The following STARD5 variants were observed in gnomAD, a reference collection of about 807,000 sequenced individuals.
STARD5 encodes stAR-related lipid transfer protein 5.
A neutral mutation model predicts 24.6 loss-of-function variants in STARD5; 26 were observed. That is an observed-to-expected ratio of 1.06 (90% CI 0.77 to 1.47). The LOEUF is 1.47. Ranked by LOEUF, STARD5 falls within the 40% of genes most tolerant of loss-of-function variation. STARD5 has a pLI of 0.00. For synonymous variants in STARD5, 101 were observed against 99.7 expected (o/e 1.01, Z -0.07); for missense variants, 254 against 270.8 (o/e 0.94, Z 0.44).
chr15:81,317,636 A>G (rs1274166885), intron 5 of STARD5, among the ~76,000 whole-genome samples: 4 of 152,186 alleles, frequency 2.6e-5, no homozygotes, highest in African/African-American at 9.7e-5. Flanking sequence ...ATCCCACGAC[A>G]CCGAGGCCCA....
chr15:81,323,905 G>C, intron 1 of STARD5, 96 bp downstream of exon 1: 1 of 1,312,900 alleles, frequency 7.6e-7, no homozygotes. Flanking sequence ...TTGGGGAGCA[G>C]AAAACAACGG....
intron 5 of STARD5, among the ~76,000 whole-genome samples, chr15:81,316,096 T>C (rs556465063): frequency 6.6e-6 from 1 of 152,188 alleles, no homozygotes; most frequent in Non-Finnish European, 1.5e-5. Flanking sequence ...CGGCTCCTGC[T>C]CCCACTTCTG....
intron 5 of STARD5, among the ~76,000 whole-genome samples, chr15:81,315,043 C>T (rs1399693274): frequency 6.6e-6 from 1 of 152,154 alleles, no homozygotes. Context: ...TTGTGCCCTG[C>T]TTCCCCAAAG....
intron 3 of STARD5, among the ~76,000 whole-genome samples, chr15:81,321,961 T>C (rs566953739): frequency 6.6e-6 from 1 of 152,368 alleles, no homozygotes; most frequent in East Asian, 1.9e-4. Flanking sequence ...ATGTTATTAA[T>C]AGACATCAAC....
Position 81,313,197 on chromosome 15 carries a change from C to T in STARD5, c.*59G>A, listed in dbSNP as rs1450398404. On this transcript the variant is annotated 3_prime_UTR_variant, in exon 6 of 6. Coordinates refer to ENST00000302824, the MANE Select transcript of STARD5 (RefSeq NM_181900.3). ...CGTGCTCCCAGGCTCCTTGGTGTCCCAACAGCTGGAGCTCCTCGATGAGTC... is the reference window on the plus strand; with the variant it reads ...CGTGCTCCCAGGCTCCTTGGTGTCCTAACAGCTGGAGCTCCTCGATGAGTC... The T allele has an allele frequency of 1.4e-6, 2 of 1,463,508 alleles. No individual in the cohort carries two copies. The highest frequency in any genetic ancestry group is 2.9e-5 in the African/African-American group (2 of 69,002). 90.7% of individuals were successfully genotyped at this position (1,463,508 alleles called of 1,614,324 possible). A position where few individuals can be genotyped will look rare whatever the true frequency, so the allele number is the denominator to read the frequency against.
At chr15:81,319,239 T>G (rs1053683544) in intron 4 of STARD5, 100 bp downstream of exon 4, 3 of 1,076,396 alleles carry the variant, frequency 2.8e-6, no homozygotes, top group South Asian at 1.4e-5. Flanking sequence ...GAGTTTCTGG[T>G]GATTTCTGGT....
Position 81,318,064 on chromosome 15 carries a change from T to G in STARD5, c.494+345A>C, listed in dbSNP as rs543476175. On this transcript the variant is annotated intron_variant, in intron 5 of 5. Coordinates refer to ENST00000302824, the MANE Select transcript of STARD5 (RefSeq NM_181900.3). ...CACAGACCCTGCCCTGCCAACCTCC[T>G]AGCCTTTGAGTCAGGACACATCACT... is the stretch of plus-strand genomic sequence containing the variant. Among the ~76,000 whole-genome samples, 15 of 152,284 alleles carry G rather than the reference T, an allele frequency of 9.9e-5. No homozygotes were observed. The South Asian group carries it at 2.3e-3, about 23-fold the overall frequency.
chr15:81,318,721 GAC>G (rs749747508), intron 4 of STARD5, among the ~76,000 whole-genome samples: 2 of 151,826 alleles, frequency 1.3e-5, no homozygotes, highest in East Asian at 1.9e-4. Flanking sequence ...CTCACACACA[GAC>G]ACACACACAC....
At chr15:81,322,856 G>A in intron 2 of STARD5, 43 bp downstream of exon 2, 1 of 1,612,646 alleles carries the variant, frequency 6.2e-7, no homozygotes, top group Non-Finnish European at 8.5e-7. Context: ...TACCAGGAAG[G>A]GTGCGGCACC....
chr15:81,321,587 C>T lies in STARD5; in HGVS notation c.282+821G>A, dbSNP rs142328019. On this transcript the variant is annotated intron_variant, in intron 3 of 5. Coordinates refer to ENST00000302824, the MANE Select transcript of STARD5 (RefSeq NM_181900.3). ...ATCACGCCACTGTACTCCAGCCTAG[C>T]GACAGAGTGAGATTCCGTCTCAAAA... Among the ~76,000 whole-genome samples, 1,090 of 142,208 alleles carry T rather than the reference C, an allele frequency of 7.7e-3. 13 individuals are homozygous for T. The highest frequency in any genetic ancestry group is 0.028 in the African/African-American group (1,042 of 36,942). 93.3% of individuals were successfully genotyped at this position (142,208 alleles called of 152,430 possible).
rs1900897846 is a variant in STARD5 at position 81,312,251 on chromosome 15, G to A, written c.*1005C>T. The A allele has an allele frequency of 6.6e-6, 1 of 152,292 alleles. No homozygotes were observed. The highest frequency in any genetic ancestry group is 1.5e-5 in the Non-Finnish European group (1 of 68,112). 9.4% of individuals were successfully genotyped at this position (152,292 alleles called of 1,614,324 possible). ...TGGCAAGGCTGTGCTCCCTGGTTCTGATGATGTGCCTGGGTGGACATGGCC... is the reference window on the plus strand; with the variant it reads ...TGGCAAGGCTGTGCTCCCTGGTTCTAATGATGTGCCTGGGTGGACATGGCC... On this transcript the variant is annotated 3_prime_UTR_variant, in exon 6 of 6. Coordinates refer to ENST00000302824, the MANE Select transcript of STARD5 (RefSeq NM_181900.3).
rs1235436631 is a variant in STARD5, at chr15:81,311,996, G to A, written c.*1260C>T. The A allele has an allele frequency of 1.3e-5, 2 of 152,304 alleles. No individual in the cohort carries two copies. Among genetic ancestry groups the A allele is most frequent in the African/African-American group, 4.8e-5 (2 of 41,548 alleles). 9.4% of individuals were successfully genotyped at this position (152,304 alleles called of 1,614,324 possible). A position where few individuals can be genotyped will look rare whatever the true frequency, so the allele number is the denominator to read the frequency against. On this transcript the variant is annotated 3_prime_UTR_variant, in exon 6 of 6. Coordinates refer to ENST00000302824, the MANE Select transcript of STARD5 (RefSeq NM_181900.3). Reference sequence around the variant, plus strand: ...AATAGGGAAGTAACAGTAACGCAGGGGAAACGTTTTCTGTTTGGAGGAGCA... The same window carrying A: ...AATAGGGAAGTAACAGTAACGCAGGAGAAACGTTTTCTGTTTGGAGGAGCA...
At chr15:81,319,188 C>G (rs1157994054) in intron 4 of STARD5, 151 bp downstream of exon 4, 2 of 708,296 alleles carry the variant, frequency 2.8e-6, no homozygotes, top group South Asian at 1.7e-5. Flanking sequence ...GGCCCTGAGT[C>G]CCCCCAAACC....
chr15:81,319,825 GGAAA>G (rs1273992411), intron 3 of STARD5, among the ~76,000 whole-genome samples: 7 of 152,198 alleles, frequency 4.6e-5, no homozygotes, highest in African/African-American at 1.4e-4. Context: ...CTACAGGTGA[GGAAA>G]CTGACACTTA....
intron 3 of STARD5, among the ~76,000 whole-genome samples, chr15:81,320,170 C>A (rs1901168170): frequency 6.6e-6 from 1 of 152,012 alleles, no homozygotes; most frequent in Admixed American, 6.5e-5. Flanking sequence ...ACAGGCCAGG[C>A]CTGTGATGGA....
At position 81,312,333 on chromosome 15, in the gene STARD5, C is replaced by T. The variant is rs1203555157; in HGVS notation, c.*923G>A. 1 of 152,266 alleles carries T rather than the reference C, an allele frequency of 6.6e-6. No homozygotes were observed. Among genetic ancestry groups the T allele is most frequent in the African/African-American group, 2.4e-5 (1 of 41,460 alleles). The allele number at this position is 152,266 out of a possible 1,614,324, so 9.4% of individuals were successfully genotyped here. A position where few individuals can be genotyped will look rare whatever the true frequency, so the allele number is the denominator to read the frequency against. On this transcript the variant is annotated 3_prime_UTR_variant, in exon 6 of 6. Transcript: ENST00000302824. ...CTAGAGGGGGGATTTCCAGCCAGGG[C>T]TGCTAGACGGAGGCCTACTCTTCCA...
chr15:81,322,521 C>T lies in STARD5; in HGVS notation c.169G>A (p.Val57Ile). 8 of 1,614,222 alleles carry T rather than the reference C, an allele frequency of 5.0e-6. No individual in the cohort carries two copies. The highest frequency in any genetic ancestry group is 6.8e-6 in the Non-Finnish European group (8 of 1,180,038). Residue 57 changes from valine (V) to isoleucine (I), a missense_variant, in exon 3 of 6, where the codon GTA (valine) becomes ATA (isoleucine). Coordinates refer to ENST00000302824, the MANE Select transcript of STARD5 (RefSeq NM_181900.3). Reference protein sequence around the residue: ...PGNLYRGEGIVYGTLEEVWDC... With the variant: ...PGNLYRGEGIIYGTLEEVWDC... ...CACACCTCCTCTAGTGTCCCATATA[C>T]AATGCCTTCTCCTCGGTACCTGGAG...
At chr15:81,323,052 AC>A in intron 1 of STARD5, 104 bp from the exon 2 acceptor site, 1 of 1,273,302 alleles carries the variant, frequency 7.9e-7, no homozygotes, top group Non-Finnish European at 1.1e-6. Flanking sequence ...CTCAAGAGAT[AC>A]GACTCTCCAA....
rs1900950497 is a variant in STARD5, at chr15:81,313,124, A to G, written c.*132T>C. 2.7e-6 allele frequency: 3 copies of G among 1,127,878 alleles called. No individual in the cohort carries two copies. Among genetic ancestry groups the G allele is most frequent in the Non-Finnish European group, 2.4e-6 (2 of 837,820 alleles). The allele number at this position is 1,127,878 out of a possible 1,614,324, so 69.9% of individuals were successfully genotyped here. A position where few individuals can be genotyped will look rare whatever the true frequency, so the allele number is the denominator to read the frequency against. On this transcript the variant is annotated 3_prime_UTR_variant, in exon 6 of 6. Transcript: ENST00000302824. ...TGCCGCCTCTGGTTGGCATTCTCAG[A>G]GATGCGCAGTCCATCAGCTTGTTCC...
Sources: gnomAD v4.1 joint callset for allele counts (sites outside exome capture counted in the v4.1 genomes callset) on GRCh38, gnomAD v4.1.1 for gene constraint, MANE v1.5 for transcripts, NCBI Gene and HGNC (gene_info 2026-07-23, HGNC 2026-07-21) for gene names.